The following TEP1 variants were observed in gnomAD, a reference collection of about 807,000 sequenced individuals.
The protein encoded by TEP1 is telomerase associated protein 1.
TEP1 carries 241 observed loss-of-function variants against 306.3 expected under a neutral mutation model. The observed-to-expected ratio is 0.79, with a 90% CI of 0.71 to 0.88. The LOEUF (loss-of-function observed/expected upper bound fraction) is 0.88, where lower values mean the gene tolerates loss of function less well. Among genes scored for constraint, TEP1 ranks in the 40% least tolerant of loss-of-function variants. The pLI is 0.00. For missense variants in TEP1, 3,051 were observed against 3,276.1 expected, an observed-to-expected ratio of 0.93 and a Z score of 1.68; for synonymous variants, 1,289 against 1,305.5, an observed-to-expected ratio of 0.99 and a Z score of 0.27.
Position 20,379,992 on chromosome 14 carries a change from GC to G in TEP1, c.5064del (p.Gln1689LysfsTer17). ...TTGGCAGTGCCCACAGCTGCTCTTT[GC>G]CCATTGGTGGAGAAGGCCACAGCAG... The part of the protein sequence containing the change: ...SPTAVAFSTN[G>X]QRAAVGTANG... On this transcript the variant is annotated frameshift_variant, in exon 35 of 55. Coordinates refer to ENST00000262715, the MANE Select transcript of TEP1 (RefSeq NM_007110.5). LOFTEE classifies it high-confidence loss of function. 1 of 1,614,162 alleles carries G rather than the reference GC, an allele frequency of 6.2e-7. No individual in the cohort carries two copies. Among genetic ancestry groups the G allele is most frequent in the South Asian group, 1.1e-5 (1 of 91,076 alleles).
rs544201321 is a variant in TEP1 at position 20,376,285 on chromosome 14, G to A, written c.6089-21C>T. 1.7e-5 allele frequency: 28 copies of A among 1,604,662 alleles called. No individual in the cohort carries two copies. In the Admixed American group the frequency reaches 3.4e-4, roughly 20 times the overall value. On this transcript the variant is annotated intron_variant, in intron 41 of 54. Coordinates refer to ENST00000262715, the MANE Select transcript of TEP1 (RefSeq NM_007110.5). Reference sequence around the variant, plus strand: ...ATCCTCTGCATTGGAAAAAGAGAGAGGGAACAGCTTCCTGAAAGAGGAAGC... The same window carrying A: ...ATCCTCTGCATTGGAAAAAGAGAGAAGGAACAGCTTCCTGAAAGAGGAAGC...
chr14:20,368,386 G>A lies in TEP1; in HGVS notation c.*51C>T. 1.3e-6 allele frequency: 2 copies of A among 1,590,384 alleles called. No homozygotes were observed. The highest frequency in any genetic ancestry group is 2.2e-5 in the South Asian group (2 of 88,994). On this transcript the variant is annotated 3_prime_UTR_variant, in exon 55 of 55. Coordinates refer to ENST00000262715, the MANE Select transcript of TEP1 (RefSeq NM_007110.5). ...TTATTAAAAGCTACCAGTGTCTTCA[G>A]GCTTTGCATCTCTAGCACAAGGGGT...
chr14:20,395,048 A>G (rs1325073622), intron 12 of TEP1, among the ~76,000 whole-genome samples: 1 of 152,222 alleles, frequency 6.6e-6, no homozygotes, highest in African/African-American at 2.4e-5. Context: ...CAAAAACAAA[A>G]AAGATGAATG....
At chr14:20,406,706 T>C (rs1879206002) in intron 2 of TEP1, among the ~76,000 whole-genome samples, 1 of 152,188 alleles carries the variant, frequency 6.6e-6, no homozygotes, top group African/African-American at 2.4e-5. Flanking sequence ...TTTAGGATAT[T>C]AGTAAGATGT....
chr14:20,403,746 G>A lies in TEP1; in HGVS notation c.1171C>T (p.Pro391Ser), dbSNP rs771787577. 39 of 1,613,842 alleles carry A rather than the reference G, an allele frequency of 2.4e-5. No individual in the cohort carries two copies. The highest frequency in any genetic ancestry group is 3.3e-5 in the Non-Finnish European group (39 of 1,180,038). ...ACTGGAGAGCGGGGTGGCCGGCGGG[G>A]GTGTCTCTTGGCCCGGTGCTTCCGA... ...NPRKHRAKRH[P>S]RRPPRSPGME... Residue 391 changes from proline (P) to serine (S), a missense_variant, in exon 6 of 55, where the codon CCC becomes TCC. This residue lies in a region of TEP1 where 1,507 missense variants were observed against 1,550.5 expected (regional missense o/e 0.97). Coordinates refer to ENST00000262715, the MANE Select transcript of TEP1 (RefSeq NM_007110.5).
At chr14:20,389,846 G>T in intron 15 of TEP1, 106 bp from the exon 16 acceptor site, 1 of 1,436,342 alleles carries the variant, frequency 7.0e-7, no homozygotes. Context: ...ACTCTGAGAG[G>T]AGTACCTCTC....
Position 20,374,447 on chromosome 14 carries a change from C to T in TEP1, c.6453G>A (p.Val2151=), listed in dbSNP as rs780872066. 8 of 1,613,158 alleles carry T rather than the reference C, an allele frequency of 5.0e-6. No individual in the cohort carries two copies. The highest frequency in any genetic ancestry group is 1.7e-5 in the Admixed American group (1 of 59,946). The change falls in exon 44 of 55, where the codon GTG becomes GTA. Residue 2151 remains valine (V), a synonymous_variant. Coordinates refer to ENST00000262715, the MANE Select transcript of TEP1 (RefSeq NM_007110.5). The part of the protein sequence containing the change: ...LGQFLGHQSA[V]SAVAAVEEHV... ...TTCTCACCACAGCTGCCACAGCGCT[C>T]ACAGCACTCTGATGACCCAGGAACT... is the stretch of plus-strand genomic sequence containing the variant.
intron 4 of TEP1, 44 bp downstream of exon 4, chr14:20,405,407 T>G: frequency 6.6e-7 from 1 of 1,525,642 alleles, no homozygotes; most frequent in Non-Finnish European, 8.9e-7. Context: ...ACACTCCCAG[T>G]CTACCAGCTT....
chr14:20,373,087 C>A lies in TEP1; in HGVS notation c.6875G>T (p.Gly2292Val). ...AVTAVAWAPDGSMAVSGNQAG... is the reference protein window; with the variant it reads ...AVTAVAWAPDVSMAVSGNQAG... ...TTGATTTCCAGATACTGCCATGGAACCATCTGGTGCCCAAGCCACAGCAGT... is the reference window on the plus strand; with the variant it reads ...TTGATTTCCAGATACTGCCATGGAAACATCTGGTGCCCAAGCCACAGCAGT... The change falls in exon 48 of 55, where the codon GGT becomes GTT. Residue 2292 changes from glycine (G) to valine (V), a missense_variant. Transcript: ENST00000262715. 1.2e-6 allele frequency: 2 copies of A among 1,614,228 alleles called. No individual in the cohort carries two copies. The highest frequency in any genetic ancestry group is 8.5e-7 in the Non-Finnish European group (1 of 1,180,048).
intron 2 of TEP1, 77 bp from the exon 3 acceptor site, chr14:20,406,477 C>A: frequency 6.7e-7 from 1 of 1,500,662 alleles, no homozygotes; most frequent in Non-Finnish European, 9.1e-7. Flanking sequence ...GAAGGCAGCA[C>A]CAGGCCACGG....
chr14:20,408,479 G>A lies in TEP1; in HGVS notation c.-24-16C>T. Reference sequence around the variant, plus strand: ...TTGTATATGCCTAGAAGGAGAGAAAGACAGGAGATGAGCACCTGGCTGCAC... The same window carrying A: ...TTGTATATGCCTAGAAGGAGAGAAAAACAGGAGATGAGCACCTGGCTGCAC... On this transcript the variant is annotated splice_polypyrimidine_tract_variant and intron_variant, in intron 1 of 54. Coordinates refer to ENST00000262715, the MANE Select transcript of TEP1 (RefSeq NM_007110.5). 2 of 1,578,724 alleles carry A rather than the reference G, an allele frequency of 1.3e-6. No homozygotes were observed. The highest frequency in any genetic ancestry group is 1.7e-6 in the Non-Finnish European group (2 of 1,165,458).
intron 6 of TEP1, 76 bp from the exon 7 acceptor site, chr14:20,403,524 G>A (rs1878926288): frequency 1.2e-6 from 2 of 1,602,614 alleles, no homozygotes; most frequent in Non-Finnish European, 8.5e-7. Flanking sequence ...TAGCCCTGAA[G>A]GTGCATCTCT....
At chr14:20,396,542 T>C in intron 10 of TEP1, 79 bp downstream of exon 10, 3 of 1,250,116 alleles carry the variant, frequency 2.4e-6, no homozygotes, top group Non-Finnish European at 3.4e-6. Context: ...TGAAAAAGCC[T>C]GGCCTCTAAA....
chr14:20,378,208 C>T lies in TEP1; in HGVS notation c.5537G>A (p.Arg1846His), dbSNP rs142564652. ...KDLGAPGASI[R>H]TLAFNVPGGV... ...CCCAGGCACATTGAAGGCCAAGGTACGGATAGAGGCTCCGGGTGCCCCCAG... is the reference window on the plus strand; with the variant it reads ...CCCAGGCACATTGAAGGCCAAGGTATGGATAGAGGCTCCGGGTGCCCCCAG... Residue 1846 changes from arginine to histidine, a missense_variant, in exon 39 of 55, where the codon CGT (arginine) becomes CAT (histidine). Physicochemically the swap from Arg to His is conservative, Grantham distance 29. Transcript: ENST00000262715. 2.4e-5 allele frequency: 39 copies of T among 1,613,274 alleles called. No homozygotes were observed. The highest frequency in any genetic ancestry group is 1.2e-4 in the Admixed American group (7 of 59,986).
At position 20,368,456 on chromosome 14, in the gene TEP1, T is replaced by C. The variant is rs375404781; in HGVS notation, c.7865A>G (p.Tyr2622Cys). ...ACATCTTCATTCCCAATTCAGAAAGTACACATTGCCCTGCACGTCTCCCAC... is the reference window on the plus strand; with the variant it reads ...ACATCTTCATTCCCAATTCAGAAAGCACACATTGCCCTGCACGTCTCCCAC... The part of the protein sequence containing the change: ...LAVGDVQGNV[Y>C]FLNWE The change falls in exon 55 of 55, where the codon TAC becomes TGC. Residue 2622 changes from tyrosine to cysteine, a missense_variant. Physicochemically the swap from Tyr to Cys is radical, Grantham distance 194. Transcript: ENST00000262715. 1 of 1,614,138 alleles carries C rather than the reference T, an allele frequency of 6.2e-7. No individual in the cohort carries two copies. The highest frequency in any genetic ancestry group is 8.5e-7 in the Non-Finnish European group (1 of 1,180,016).
rs145657579 is a variant in TEP1 at position 20,380,373 on chromosome 14, C to T, written c.4865G>A (p.Arg1622Gln). The T allele has an allele frequency of 3.9e-3, 6,259 of 1,614,070 alleles. 17 individuals carry two copies. Among genetic ancestry groups the T allele is most frequent in the African/African-American group, 7.2e-3 (537 of 75,016 alleles). Residue 1622 changes from arginine (R) to glutamine (Q), a missense_variant, in exon 34 of 55, where the codon CGG (arginine) becomes CAG (glutamine). Physicochemically the swap from Arg to Gln is conservative, Grantham distance 43. Transcript: ENST00000262715. The stretch of plus-strand genomic sequence containing the variant: ...GTTGGCTGCCTGCTGGGGCAGGAGC[C>T]GGGGGTACTGGCTGAGGATTGAAGC... ...QQASILSQYP[R>Q]LLPQQAANQP...
intron 44 of TEP1, 74 bp downstream of exon 44, chr14:20,374,355 C>T: frequency 2.0e-6 from 2 of 1,019,184 alleles, no homozygotes; most frequent in East Asian, 2.5e-5. Context: ...GGATTAGATA[C>T]TCCATGCACC....
intron 33 of TEP1, 113 bp downstream of exon 33, chr14:20,380,818 G>T: frequency 2.2e-6 from 2 of 915,134 alleles, no homozygotes; most frequent in Non-Finnish European, 3.4e-6. Flanking sequence ...ATGGAAATTT[G>T]AATCTTTTTT....
rs753026915 is a variant in TEP1 at position 20,401,499 on chromosome 14, A to G, written c.1349T>C (p.Ile450Thr). 5 of 1,614,018 alleles carry G rather than the reference A, an allele frequency of 3.1e-6. No homozygotes were observed. In the African/African-American group the frequency reaches 6.7e-5, roughly 22 times the overall value. Reference sequence around the variant, plus strand: ...TTGAACGTGCTGGGCAGGCTTGTGGATGTGCAGTCGCTGAACCAGCTTCTT... The same window carrying G: ...TTGAACGTGCTGGGCAGGCTTGTGGGTGTGCAGTCGCTGAACCAGCTTCTT... ...TLKKLVQRLHIHKPAQHVQAL... is the reference protein window; with the variant it reads ...TLKKLVQRLHTHKPAQHVQAL... The change falls in exon 8 of 55, where the codon ATC becomes ACC. Residue 450 changes from isoleucine to threonine, a missense_variant. By Grantham distance (89) the Ile-to-Thr change is moderately conservative (BLOSUM62 -1). Transcript: ENST00000262715.
Sources: gnomAD v4.1 joint callset for allele counts (sites outside exome capture counted in the v4.1 genomes callset) on GRCh38, gnomAD v4.1.1 for gene constraint, gnomAD v4.1.1 regional missense constraint, MANE v1.5 for transcripts, NCBI Gene and HGNC (gene_info 2026-07-23, HGNC 2026-07-21) for gene names.